The following FARS2 variants were observed in gnomAD, a reference collection of about 807,000 sequenced individuals.
FARS2 encodes the protein phenylalanine--tRNA ligase, mitochondrial.
A neutral mutation model predicts 46.4 loss-of-function variants in FARS2; 40 were observed. The ratio of observed to expected loss-of-function variants is 0.86; its 90% CI spans 0.67 to 1.12. The LOEUF (loss-of-function observed/expected upper bound fraction) is 1.12. Ranked by LOEUF, FARS2 falls within the 50% of genes most tolerant of loss-of-function variation. FARS2 has a pLI of 0.00. For missense variants in FARS2, 513 were observed against 567.9 expected, an observed-to-expected ratio of 0.90 and a Z score of 0.98; for synonymous variants, 234 against 214.9, an observed-to-expected ratio of 1.09 and a Z score of -0.78.
At chr6:5,640,564 A>T in intron 6 of FARS2, among the ~76,000 whole-genome samples, 1 of 152,208 alleles carries the variant, frequency 6.6e-6, no homozygotes, top group East Asian at 1.9e-4. Flanking sequence ...AGCTACCTCT[A>T]AATTATCAGG....
At chr6:5,423,746 G>A (rs959116789) in intron 3 of FARS2, among the ~76,000 whole-genome samples, 1 of 152,120 alleles carries the variant, frequency 6.6e-6, no homozygotes, top group Non-Finnish European at 1.5e-5. Flanking sequence ...TTGGCACTCT[G>A]CAGCGCTGGA....
At chr6:5,493,209 C>CAAAAAAAA (rs34541325) in intron 4 of FARS2, among the ~76,000 whole-genome samples, 5 of 92,868 alleles carry the variant, frequency 5.4e-5, no homozygotes, top group Non-Finnish European at 1.1e-4. Context: ...GACTGTGTCT[C>CAAAAAAAA]AAAAAAAAAA....
At chr6:5,746,616 T>C (rs916276007) in intron 6 of FARS2, among the ~76,000 whole-genome samples, 5 of 130,504 alleles carry the variant, frequency 3.8e-5, no homozygotes, top group Non-Finnish European at 7.7e-5. Context: ...CTGGTGAGAC[T>C]GCGGGCTCTG....
intron 4 of FARS2, among the ~76,000 whole-genome samples, chr6:5,522,310 A>T (rs1033251188): frequency 6.6e-6 from 1 of 152,210 alleles, no homozygotes; most frequent in East Asian, 1.9e-4. Flanking sequence ...AGCAAGAGGA[A>T]GGTCATGTGG....
intron 6 of FARS2, among the ~76,000 whole-genome samples, chr6:5,766,246 G>C (rs79809250): frequency 1.3e-5 from 2 of 152,204 alleles, no homozygotes; most frequent in Non-Finnish European, 2.9e-5. Context: ...GTGTGCCTGC[G>C]TGAGTTGGGG....
At chr6:5,460,179 A>G (rs976987468) in intron 4 of FARS2, among the ~76,000 whole-genome samples, 7 of 152,140 alleles carry the variant, frequency 4.6e-5, no homozygotes, top group Non-Finnish European at 1.5e-5. Context: ...AGTTTTCTGT[A>G]TGCTTTTCAA....
chr6:5,407,297 A>G (rs1761671786), intron 3 of FARS2, among the ~76,000 whole-genome samples: 1 of 151,622 alleles, frequency 6.6e-6, no homozygotes, highest in Admixed American at 6.6e-5. Flanking sequence ...ATTCACCTCT[A>G]TTTTTTCATA....
chr6:5,395,142 A>G (rs1046005601), intron 2 of FARS2, among the ~76,000 whole-genome samples: 1 of 152,010 alleles, frequency 6.6e-6, no homozygotes, highest in Non-Finnish European at 1.5e-5. Flanking sequence ...CCTCTGCCTC[A>G]TAGGTTCAAG....
At chr6:5,532,774 TAATAATAATAAG>T (rs1167660888) in intron 4 of FARS2, among the ~76,000 whole-genome samples, 2 of 141,392 alleles carry the variant, frequency 1.4e-5, no homozygotes, top group African/African-American at 6.0e-5. Context: ...GTAATAATAA[TAATAATAATAAG>T]AAGAAGAAGA....
intron 6 of FARS2, among the ~76,000 whole-genome samples, chr6:5,668,539 T>C (rs983029511): frequency 3.3e-5 from 5 of 152,168 alleles, no homozygotes; most frequent in African/African-American, 1.2e-4. Flanking sequence ...TTTTTACTGT[T>C]TAATTCAGGC....
chr6:5,669,812 G>A (rs1189009343), intron 6 of FARS2, among the ~76,000 whole-genome samples: 2 of 152,094 alleles, frequency 1.3e-5, no homozygotes, highest in African/African-American at 4.8e-5. Flanking sequence ...TCCGGAGTTG[G>A]GCTTATTGGA....
chr6:5,728,621 T>C (rs75972429), intron 6 of FARS2, among the ~76,000 whole-genome samples: 7,326 of 152,184 alleles, frequency 0.048, 588 homozygotes, highest in African/African-American at 0.17. Flanking sequence ...TAGCAGCAAA[T>C]TGGTTTAAAT....
intron 4 of FARS2, among the ~76,000 whole-genome samples, chr6:5,486,446 T>G (rs1766781608): frequency 6.6e-6 from 1 of 151,386 alleles, no homozygotes; most frequent in Non-Finnish European, 1.5e-5. Flanking sequence ...TGTGGTAATT[T>G]CATGAAAAAT....
chr6:5,418,566 C>A (rs577170239), intron 3 of FARS2, among the ~76,000 whole-genome samples: 9 of 152,266 alleles, frequency 5.9e-5, no homozygotes, highest in African/African-American at 2.2e-4. Flanking sequence ...TCCCTCTAAT[C>A]CTTTTGTGTG....
At chr6:5,689,323 C>G (rs1350323913) in intron 6 of FARS2, among the ~76,000 whole-genome samples, 1 of 152,002 alleles carries the variant, frequency 6.6e-6, no homozygotes, top group African/African-American at 2.4e-5. Context: ...CCTGCTTTCT[C>G]TTGTGGGCAT....
At chr6:5,468,564 C>T (rs1227579468) in intron 4 of FARS2, among the ~76,000 whole-genome samples, 1 of 152,160 alleles carries the variant, frequency 6.6e-6, no homozygotes, top group Non-Finnish European at 1.5e-5. Context: ...GACCAGAAAT[C>T]TTTGAATCTG....
chr6:5,697,661 A>G (rs1758185734), intron 6 of FARS2, among the ~76,000 whole-genome samples: 1 of 152,240 alleles, frequency 6.6e-6, no homozygotes, highest in South Asian at 2.1e-4. Flanking sequence ...CATGAGATAT[A>G]ACTAAAATTG....
intron 5 of FARS2, among the ~76,000 whole-genome samples, chr6:5,601,067 C>T (rs745794877): frequency 6.6e-5 from 10 of 152,128 alleles, no homozygotes; most frequent in East Asian, 1.9e-4. Flanking sequence ...GCAAGAAAGC[C>T]GCCATCTCTA....
At chr6:5,365,073 A>G (rs915586235) in intron 1 of FARS2, among the ~76,000 whole-genome samples, 5 of 148,922 alleles carry the variant, frequency 3.4e-5, no homozygotes, top group African/African-American at 4.9e-5. Flanking sequence ...GCCAAAGCCA[A>G]AAAAAAAAAC....
Sources: gnomAD v4.1 joint callset for allele counts (sites outside exome capture counted in the v4.1 genomes callset) on GRCh38, gnomAD v4.1.1 for gene constraint, MANE v1.5 for transcripts, NCBI Gene and HGNC (gene_info 2026-07-23, HGNC 2026-07-21) for gene names.